MGAT4C: variants seen among roughly 807,000 people sequenced by gnomAD.
The protein encoded by MGAT4C is alpha-1,3-mannosyl-glycoprotein 4-beta-N-acetylglucosaminyltransferase C.
MGAT4C carries 19 observed loss-of-function variants against 40.1 expected under a neutral mutation model. That is an observed-to-expected ratio of 0.47 (90% CI 0.33 to 0.70). The LOEUF is 0.70. Ranked by LOEUF, MGAT4C falls within the 30% of genes least tolerant of loss-of-function variation. MGAT4C has a pLI of 0.02. For missense variants in MGAT4C, 491 were observed against 563.2 expected (o/e 0.87, Z 1.30); for synonymous variants, 181 against 187.1 (o/e 0.97, Z 0.27).
Position 86,695,844 on chromosome 12 carries a change from A to G in MGAT4C, c.-229+31365T>C, listed in dbSNP as rs138954856. On this transcript the variant is annotated intron_variant, in intron 2 of 7. Transcript: ENST00000548651. ...AGGTACAAAAAAATAGAAAAAATGAATAAAATCTAGTATTTGATAGCACAA... is the reference window on the plus strand; with the variant it reads ...AGGTACAAAAAAATAGAAAAAATGAGTAAAATCTAGTATTTGATAGCACAA... Among the ~76,000 whole-genome samples, 54 of 152,250 alleles carry G rather than the reference A, an allele frequency of 3.5e-4. 1 individual carries two copies. Among genetic ancestry groups the G allele is most frequent in the African/African-American group, 1.3e-3 (52 of 41,556 alleles).
At chr12:86,070,009 C>G (rs1382243393) in intron 1 of MGAT4C, among the ~76,000 whole-genome samples, 1 of 151,994 alleles carries the variant, frequency 6.6e-6, no homozygotes, top group African/African-American at 2.4e-5. Context: ...TTGAACTCAT[C>G]TCTTCCATCA....
chr12:86,497,893 A>AAAAT (rs1958267358), intron 2 of MGAT4C, among the ~76,000 whole-genome samples: 1 of 133,894 alleles, frequency 7.5e-6, no homozygotes, highest in South Asian at 2.3e-4. Context: ...GAAATTCCTA[A>AAAAT]ATATATATAT....
rs75124229 is a variant in MGAT4C at position 86,583,734 on chromosome 12, G to A, written c.-229+143475C>T. 3.3e-3 allele frequency among the ~76,000 whole-genome samples: 494 copies of A among 151,146 alleles called. 1 individual carries two copies. Among genetic ancestry groups the A allele is most frequent in the African/African-American group, 0.012 (478 of 41,420 alleles). ...TGAGTTCAATAATCCTTCATTAATA[G>A]TTTAAAATGTCAAAAATGAAAATTA... On this transcript the variant is annotated intron_variant, in intron 2 of 7. Coordinates refer to the MGAT4C transcript ENST00000548651.
intron 2 of MGAT4C, among the ~76,000 whole-genome samples, chr12:86,018,981 T>C (rs1310492575): frequency 6.6e-6 from 1 of 152,122 alleles, no homozygotes; most frequent in Non-Finnish European, 1.5e-5. Context: ...TGTAACTTAT[T>C]TACCAACTTC....
At chr12:86,574,264 G>A (rs970644215) in intron 2 of MGAT4C, among the ~76,000 whole-genome samples, 42 of 151,684 alleles carry the variant, frequency 2.8e-4, no homozygotes, top group African/African-American at 9.9e-4. Flanking sequence ...CCATATTCAA[G>A]TAGGGATGAC....
Position 85,980,312 on chromosome 12 carries a change from C to A in MGAT4C, c.414G>T (p.Val138=), listed in dbSNP as rs1231963220. 1 of 1,613,790 alleles carries A rather than the reference C, an allele frequency of 6.2e-7. No homozygotes were observed. Among genetic ancestry groups the A allele is most frequent in the African/African-American group, 1.3e-5 (1 of 74,896 alleles). The stretch of plus-strand genomic sequence containing the variant: ...AAGAATTAAAGTCTGCTAGGTGAAC[C>A]ACCACTGAAATTTCCTTCAGCTCTT... ...SYEELKEISV[V]VHLADFNSSW... The change falls in exon 5 of 5, where the codon GTG becomes GTT. Residue 138 remains valine, a synonymous_variant. Coordinates refer to ENST00000611864, the MANE Select transcript of MGAT4C (RefSeq NM_001351288.2).
chr12:86,041,388 T>C (rs756067279), intron 2 of MGAT4C, among the ~76,000 whole-genome samples: 1 of 152,292 alleles, frequency 6.6e-6, no homozygotes, highest in Admixed American at 6.5e-5. Flanking sequence ...CTGTTGTTTC[T>C]GCAGTTCCCC....
intron 1 of MGAT4C, among the ~76,000 whole-genome samples, chr12:86,253,153 C>T (rs541167483): frequency 3.3e-5 from 5 of 151,998 alleles, no homozygotes; most frequent in East Asian, 1.9e-4. Flanking sequence ...CCTTAAAATA[C>T]ATTCTACTTT....
At chr12:86,010,461 C>T (rs1299847203) in intron 2 of MGAT4C, among the ~76,000 whole-genome samples, 3 of 152,042 alleles carry the variant, frequency 2.0e-5, no homozygotes, top group Non-Finnish European at 2.9e-5. Flanking sequence ...GGGCAGATCA[C>T]GAGGTCAAGA....
At chr12:86,783,534 C>T (rs998619457) in intron 1 of MGAT4C, among the ~76,000 whole-genome samples, 4 of 152,088 alleles carry the variant, frequency 2.6e-5, no homozygotes, top group African/African-American at 9.7e-5. Flanking sequence ...TTGTTTGTCT[C>T]TCCCACTAGA....
At chr12:86,206,485 A>C (rs909958632) in intron 1 of MGAT4C, among the ~76,000 whole-genome samples, 1 of 152,172 alleles carries the variant, frequency 6.6e-6, no homozygotes, top group Non-Finnish European at 1.5e-5. Flanking sequence ...TCTTTGCAGA[A>C]TGTAAAGTAT....
intron 1 of MGAT4C, among the ~76,000 whole-genome samples, chr12:86,169,402 T>C (rs1886549501): frequency 6.6e-6 from 1 of 152,166 alleles, no homozygotes; most frequent in Admixed American, 6.6e-5. Flanking sequence ...ATAGCCACCA[T>C]CTAGTTATCT....
intron 1 of MGAT4C, among the ~76,000 whole-genome samples, chr12:86,797,760 T>C (rs779390351): frequency 1.3e-4 from 20 of 152,030 alleles, no homozygotes; most frequent in Non-Finnish European, 2.4e-4. Flanking sequence ...AGGCACTTTA[T>C]TGATAATATG....
chr12:86,800,733 A>C (rs7135813), intron 1 of MGAT4C, among the ~76,000 whole-genome samples: 14,715 of 151,968 alleles, frequency 0.097, 977 homozygotes, highest in Non-Finnish European at 0.14. Context: ...AAAACAAATT[A>C]GAACTGAGAG....
chr12:86,515,454 T>A (rs1160643082), intron 2 of MGAT4C, among the ~76,000 whole-genome samples: 1 of 151,950 alleles, frequency 6.6e-6, no homozygotes, highest in Non-Finnish European at 1.5e-5. Flanking sequence ...CAAAATCAAC[T>A]TACAGAAATT....
intron 2 of MGAT4C, among the ~76,000 whole-genome samples, chr12:86,655,731 G>C (rs1421282656): frequency 6.6e-6 from 1 of 152,008 alleles, no homozygotes; most frequent in South Asian, 2.1e-4. Flanking sequence ...CATTTAAAAA[G>C]ATTGGCTATT....
intron 3 of MGAT4C, among the ~76,000 whole-genome samples, chr12:86,397,831 A>T (rs1048940273): frequency 6.6e-6 from 1 of 152,044 alleles, no homozygotes; most frequent in Non-Finnish European, 1.5e-5. Context: ...GGTATGGTGG[A>T]GCGTGCCCGT....
intron 1 of MGAT4C, among the ~76,000 whole-genome samples, chr12:86,742,428 C>A (rs922461530): frequency 6.6e-6 from 1 of 151,440 alleles, no homozygotes; most frequent in African/African-American, 2.4e-5. Flanking sequence ...TAAAAAGTTG[C>A]ATTTATCTGT....
chr12:86,565,853 G>T (rs1166194699), intron 2 of MGAT4C, among the ~76,000 whole-genome samples: 1 of 152,192 alleles, frequency 6.6e-6, no homozygotes, highest in East Asian at 1.9e-4. Context: ...TCATTGCCCA[G>T]TGGGCCCAAG....
Sources: allele counts gnomAD v4.1 joint callset (sites outside exome capture counted in the v4.1 genomes callset), GRCh38; gene constraint gnomAD v4.1.1; transcripts MANE v1.5; gene names NCBI Gene and HGNC (gene_info 2026-07-23, HGNC 2026-07-21).